Variants in LRP1B observed in about 807,000 individuals in gnomAD.
LRP1B encodes LDL receptor related protein 1B.
Under a neutral mutation model 556.6 loss-of-function variants are expected in LRP1B, and 217 were observed. The ratio of observed to expected loss-of-function variants is 0.39; its 90% confidence interval spans 0.35 to 0.44. LRP1B has a LOEUF of 0.44. LRP1B is among the 20% of genes least tolerant of loss of function. LRP1B has a pLI of 1.00. For synonymous variants in LRP1B, 2,047 were observed against 1,865.8 expected, an observed-to-expected ratio of 1.10 and a Z score of -2.50; for missense variants, 5,053 against 5,620.8, an observed-to-expected ratio of 0.90 and a Z score of 3.23.
intron 41 of LRP1B, among the ~76,000 whole-genome samples, chr2:140,605,871 A>T (rs964289060): frequency 1.4e-4 from 21 of 152,236 alleles, no homozygotes; most frequent in African/African-American, 5.1e-4. Context: ...TAAAAGGAAT[A>T]CCAAAACCCG....
At chr2:141,609,440 A>G (rs1688028511) in intron 2 of LRP1B, among the ~76,000 whole-genome samples, 1 of 152,236 alleles carries the variant, frequency 6.6e-6, no homozygotes, top group Admixed American at 6.5e-5. Context: ...CATGTTAGTC[A>G]TTCACACTAA....
intron 1 of LRP1B, among the ~76,000 whole-genome samples, chr2:141,907,929 T>C (rs1201860259): frequency 6.6e-6 from 1 of 152,002 alleles, no homozygotes; most frequent in Non-Finnish European, 1.5e-5. Context: ...TAAAACTCAC[T>C]ACTTCTCTGA....
intron 3 of LRP1B, among the ~76,000 whole-genome samples, chr2:141,476,049 AG>A (rs1249638447): frequency 6.6e-6 from 1 of 152,078 alleles, no homozygotes; most frequent in Non-Finnish European, 1.5e-5. Context: ...GGGCTTTGGG[AG>A]TTGCAGGCAC....
At chr2:140,924,108 T>G (rs1481596169) in intron 20 of LRP1B, among the ~76,000 whole-genome samples, 2 of 152,014 alleles carry the variant, frequency 1.3e-5, no homozygotes, top group African/African-American at 4.8e-5. Flanking sequence ...ATAAGCTACC[T>G]ATAGCAGCAA....
rs141814930 is a variant in LRP1B at position 141,769,563 on chromosome 2, G to A, written c.205+40716C>T. ...CTTGGCACATTACACGGGACATCAG[G>A]TCCCAGGTGGAATACAACAACAGGT... On this transcript the variant is annotated intron_variant, in intron 2 of 90. Coordinates refer to ENST00000389484, the MANE Select transcript of LRP1B (RefSeq NM_018557.3). Among the ~76,000 whole-genome samples the A allele has an allele frequency of 2.2e-3, 337 of 152,248 alleles. 1 individual carries two copies. The highest frequency in any genetic ancestry group is 7.8e-3 in the African/African-American group (324 of 41,546).
intron 5 of LRP1B, among the ~76,000 whole-genome samples, chr2:141,241,952 A>T (rs1038747991): frequency 1.3e-5 from 2 of 151,908 alleles, no homozygotes; most frequent in African/African-American, 4.8e-5. Context: ...AAAAAAAAAA[A>T]CCCTAAATGG....
intron 1 of LRP1B, among the ~76,000 whole-genome samples, chr2:141,815,095 A>G (rs939340858): frequency 6.6e-6 from 1 of 152,182 alleles, no homozygotes; most frequent in Non-Finnish European, 1.5e-5. Context: ...CTAGAGGAAG[A>G]GAGACTAGAG....
chr2:140,585,000 C>G (rs138611631), intron 43 of LRP1B, among the ~76,000 whole-genome samples: 129 of 152,016 alleles, frequency 8.5e-4, no homozygotes, highest in African/African-American at 2.8e-3. Flanking sequence ...CATAGCAATG[C>G]ATCAGACTTT....
chr2:140,249,225 C>T lies in LRP1B; in HGVS notation c.13248-2063G>A, dbSNP rs138843923. 8.6e-3 allele frequency among the ~76,000 whole-genome samples: 1,301 copies of T among 151,668 alleles called. 6 individuals carry two copies. Among genetic ancestry groups the T allele is most frequent in the Non-Finnish European group, 0.015 (1,010 of 67,708 alleles). Reference sequence around the variant, plus strand: ...CTACTTAATCATATTATGGTTCTGACATGAACATCATGTATTTTTAATAAT... The same window carrying T: ...CTACTTAATCATATTATGGTTCTGATATGAACATCATGTATTTTTAATAAT... On this transcript the variant is annotated intron_variant, in intron 86 of 90. Coordinates refer to ENST00000389484, the MANE Select transcript of LRP1B (RefSeq NM_018557.3).
rs1265401743 is a variant in LRP1B at position 141,472,063 on chromosome 2, A to G, written c.343+8333T>C. Among the ~76,000 whole-genome samples the G allele has an allele frequency of 2.6e-5, 4 of 152,264 alleles. No individual in the cohort carries two copies. In the East Asian group the frequency reaches 7.8e-4, roughly 30 times the overall value. ...GAGTTTTCTGGCTTTTTGTGATTTC[A>G]CACAAGACTTCCAGCTAAGAGGCTA... On this transcript the variant is annotated intron_variant, in intron 3 of 90. Transcript: ENST00000389484.
At chr2:140,451,253 T>C (rs1686874144) in intron 62 of LRP1B, among the ~76,000 whole-genome samples, 1 of 152,184 alleles carries the variant, frequency 6.6e-6, no homozygotes, top group African/African-American at 2.4e-5. Context: ...CCTAAAGGGC[T>C]ACTTGTACAC....
At position 141,373,740 on chromosome 2, in the gene LRP1B, G is replaced by A. The variant is rs576919304; in HGVS notation, c.343+106656C>T. 3.3e-5 allele frequency among the ~76,000 whole-genome samples: 5 copies of A among 152,064 alleles called. No individual in the cohort carries two copies. The South Asian group carries it at 1.0e-3, about 32-fold the overall frequency. On this transcript the variant is annotated intron_variant, in intron 3 of 90. Transcript: ENST00000389484. Reference sequence around the variant, plus strand: ...ATGTGTCTTTATGAGTATCTTTCAAGTGTAGCATTAAACCATTGACATACA... The same window carrying A: ...ATGTGTCTTTATGAGTATCTTTCAAATGTAGCATTAAACCATTGACATACA...
At chr2:141,098,782 G>A (rs951104549) in intron 7 of LRP1B, among the ~76,000 whole-genome samples, 3 of 151,988 alleles carry the variant, frequency 2.0e-5, no homozygotes, top group Admixed American at 6.6e-5. Flanking sequence ...CTCAGCCTCC[G>A]AAGTAGCTGG....
intron 1 of LRP1B, among the ~76,000 whole-genome samples, chr2:141,992,777 A>C (rs539721079): frequency 6.6e-6 from 1 of 151,972 alleles, no homozygotes; most frequent in Admixed American, 6.6e-5. Flanking sequence ...CCTTCTCTTC[A>C]TTTTCCTCCA....
chr2:140,700,201 CTAAA>C, intron 41 of LRP1B, 45 bp downstream of exon 41: 2 of 1,455,958 alleles, frequency 1.4e-6, no homozygotes, highest in South Asian at 2.4e-5. Flanking sequence ...CTCTAGTAAT[CTAAA>C]TGATACTCAT....
Position 141,056,838 on chromosome 2 carries a change from T to A in LRP1B, c.1409-1579A>T, listed in dbSNP as rs570081212. Among the ~76,000 whole-genome samples the A allele has an allele frequency of 1.6e-3, 244 of 152,026 alleles. 1 individual carries two copies. Among genetic ancestry groups the A allele is most frequent in the Admixed American group, 2.8e-3 (42 of 15,220 alleles). On this transcript the variant is annotated intron_variant, in intron 9 of 90. Transcript: ENST00000389484. ...GTTGTATATTTAAATATACCCTTGA[T>A]ATTTTCACTTTAATTTGTAATAAAC...
At chr2:141,801,833 T>G (rs935700616) in intron 2 of LRP1B, among the ~76,000 whole-genome samples, 1 of 152,122 alleles carries the variant, frequency 6.6e-6, no homozygotes, top group African/African-American at 2.4e-5. Flanking sequence ...CAAGAAAAAT[T>G]TAAGAAATTT....
chr2:141,712,648 A>G (rs1692404022), intron 2 of LRP1B, among the ~76,000 whole-genome samples: 1 of 151,928 alleles, frequency 6.6e-6, no homozygotes, highest in Non-Finnish European at 1.5e-5. Context: ...AGTAAACATT[A>G]ACTATTATTA....
At chr2:141,725,717 A>G (rs1041795941) in intron 2 of LRP1B, among the ~76,000 whole-genome samples, 1 of 151,764 alleles carries the variant, frequency 6.6e-6, no homozygotes, top group Non-Finnish European at 1.5e-5. Flanking sequence ...TGAAATCGTT[A>G]TTTTACTTTG....
Sources: gnomAD v4.1 joint callset for allele counts (sites outside exome capture counted in the v4.1 genomes callset) on GRCh38, gnomAD v4.1.1 for gene constraint, MANE v1.5 for transcripts, NCBI Gene and HGNC (gene_info 2026-07-23, HGNC 2026-07-21) for gene names.